KCNJ6: variants seen among roughly 807,000 people sequenced by gnomAD.
The protein encoded by KCNJ6 is potassium inwardly rectifying channel subfamily J member 6.
KCNJ6 carries 9 observed loss-of-function variants against 34.2 expected under a neutral mutation model. The observed-to-expected ratio is 0.26, with a 90% CI of 0.16 to 0.46. The LOEUF (loss-of-function observed/expected upper bound fraction) is 0.46. Among genes scored for constraint, KCNJ6 ranks in the 20% least tolerant of loss-of-function variants. KCNJ6 has a pLI of 1.00. For synonymous variants in KCNJ6, 196 were observed against 207.1 expected, an observed-to-expected ratio of 0.95 and a Z score of 0.46; for missense variants, 236 against 531.3, an observed-to-expected ratio of 0.44 and a Z score of 5.46.
intron 3 of KCNJ6, among the ~76,000 whole-genome samples, chr21:37,640,195 A>G (rs1046693976): frequency 2.6e-5 from 4 of 152,238 alleles, no homozygotes; most frequent in African/African-American, 9.6e-5. Flanking sequence ...GTAATTTGAA[A>G]TCACTTAATG....
intron 1 of KCNJ6, among the ~76,000 whole-genome samples, chr21:37,913,131 G>C (rs940408241): frequency 1.1e-4 from 17 of 152,170 alleles, no homozygotes; most frequent in Non-Finnish European, 1.8e-4. Flanking sequence ...CTTCATATCA[G>C]TGACAGTTGT....
chr21:37,889,798 C>T (rs1316101813), intron 1 of KCNJ6, among the ~76,000 whole-genome samples: 4 of 152,202 alleles, frequency 2.6e-5, no homozygotes, highest in Non-Finnish European at 5.9e-5. Flanking sequence ...CATGGCCATC[C>T]CATTGTCTCC....
chr21:37,732,578 C>T lies in KCNJ6; in HGVS notation c.26-17447G>A, dbSNP rs143430556. ...ATGACTGATGGGCAGGACGTTTCCTCGTCAATTTTCTGGGGCAAGACCGAT... is the reference window on the plus strand; with the variant it reads ...ATGACTGATGGGCAGGACGTTTCCTTGTCAATTTTCTGGGGCAAGACCGAT... On this transcript the variant is annotated intron_variant, in intron 2 of 3. Coordinates refer to ENST00000609713, the MANE Select transcript of KCNJ6 (RefSeq NM_002240.5). Among the ~76,000 whole-genome samples, 8 of 152,266 alleles carry T rather than the reference C, an allele frequency of 5.3e-5. No individual in the cohort carries two copies. The East Asian group carries it at 1.4e-3, about 26-fold the overall frequency.
At chr21:37,626,130 C>CTTTTTTT (rs10649366) in intron 3 of KCNJ6, among the ~76,000 whole-genome samples, 13 of 143,040 alleles carry the variant, frequency 9.1e-5, no homozygotes, top group Non-Finnish European at 1.1e-4. Flanking sequence ...TTTCCCCCTT[C>CTTTTTTT]TTTTTTTTTT....
intron 2 of KCNJ6, among the ~76,000 whole-genome samples, chr21:37,797,321 G>T (rs1374196985): frequency 6.6e-6 from 1 of 152,222 alleles, no homozygotes; most frequent in African/African-American, 2.4e-5. Flanking sequence ...AAAGCACTGG[G>T]ATTACAAGGC....
At chr21:37,717,935 C>T (rs1420531801) in intron 2 of KCNJ6, among the ~76,000 whole-genome samples, 1 of 152,222 alleles carries the variant, frequency 6.6e-6, no homozygotes, top group African/African-American at 2.4e-5. Context: ...ACTGCAAACC[C>T]CCAGCTCCAG....
Position 37,617,099 on chromosome 21 carries a change from T to TCTAC in KCNJ6, c.*8059_*8060insGTAG. The stretch of plus-strand genomic sequence containing the variant: ...TTTCTTTCTTTTTCTTTCTTTCTTT[T>TCTAC]CTTTCTTTCTTTCCTTCTTCCTTCC... On this transcript the variant is annotated 3_prime_UTR_variant, in exon 4 of 4. Coordinates refer to ENST00000609713, the MANE Select transcript of KCNJ6 (RefSeq NM_002240.5). 1 of 9,550 alleles carries TCTAC rather than the reference T, an allele frequency of 1.0e-4. No homozygotes were observed. 0.6% of individuals were successfully genotyped at this position (9,550 alleles called of 1,614,324 possible).
intron 2 of KCNJ6, among the ~76,000 whole-genome samples, chr21:37,772,872 C>T (rs1366701159): frequency 1.3e-5 from 2 of 152,190 alleles, no homozygotes; most frequent in Middle Eastern, 3.4e-3. Context: ...ATTAAATGTA[C>T]TATATATATG....
At chr21:37,788,338 C>T (rs1330143432) in intron 2 of KCNJ6, among the ~76,000 whole-genome samples, 1 of 151,996 alleles carries the variant, frequency 6.6e-6, no homozygotes, top group Non-Finnish European at 1.5e-5. Context: ...TATGATGTTC[C>T]CTCTAATTTT....
chr21:37,848,364 A>C (rs2055520671), intron 1 of KCNJ6, among the ~76,000 whole-genome samples: 1 of 152,240 alleles, frequency 6.6e-6, no homozygotes, highest in African/African-American at 2.4e-5. Flanking sequence ...TTTCTAAAAT[A>C]ATCTGAAATT....
Position 37,622,888 on chromosome 21 carries a change from C to G in KCNJ6, c.*2271G>C, listed in dbSNP as rs1289069772. The G allele has an allele frequency of 6.6e-6, 1 of 152,202 alleles. No homozygotes were observed. The highest frequency in any genetic ancestry group is 1.5e-5 in the Non-Finnish European group (1 of 68,056). 9.4% of individuals were successfully genotyped at this position (152,202 alleles called of 1,614,324 possible). A position where few individuals can be genotyped will look rare whatever the true frequency, so the allele number is the denominator to read the frequency against. On this transcript the variant is annotated 3_prime_UTR_variant, in exon 4 of 4. Coordinates refer to ENST00000609713, the MANE Select transcript of KCNJ6 (RefSeq NM_002240.5). ...AGACATTTTGCCGCCCCTATTCCAT[C>G]TTGTTTTGTGCCTGCCATGGCCTGC...
intron 2 of KCNJ6, among the ~76,000 whole-genome samples, chr21:37,723,963 A>T (rs575715467): frequency 6.6e-6 from 1 of 152,160 alleles, no homozygotes; most frequent in African/African-American, 2.4e-5. Flanking sequence ...CAAGAACAGC[A>T]TGTGTAAAAG....
intron 1 of KCNJ6, among the ~76,000 whole-genome samples, chr21:37,899,907 TTCC>T (rs1404042633): frequency 2.6e-5 from 4 of 152,222 alleles, no homozygotes. Context: ...CTGATGTTAA[TTCC>T]TCCTTTACAA....
At chr21:37,773,737 G>A (rs1443663759) in intron 2 of KCNJ6, among the ~76,000 whole-genome samples, 2 of 152,266 alleles carry the variant, frequency 1.3e-5, no homozygotes, top group African/African-American at 4.8e-5. Flanking sequence ...AGGGCTGACA[G>A]TACTAAGAAA....
At chr21:37,833,595 G>A (rs1355631705) in intron 2 of KCNJ6, among the ~76,000 whole-genome samples, 3 of 152,112 alleles carry the variant, frequency 2.0e-5, no homozygotes, top group Non-Finnish European at 2.9e-5. Context: ...GACTGTGGGG[G>A]TCCCAGGGTG....
intron 2 of KCNJ6, among the ~76,000 whole-genome samples, chr21:37,822,371 T>C (rs1399423148): frequency 6.6e-6 from 1 of 151,904 alleles, no homozygotes; most frequent in East Asian, 1.9e-4. Flanking sequence ...GCCAGGGCTG[T>C]GCCCAAGTGC....
At chr21:37,806,087 G>A (rs556645244) in intron 2 of KCNJ6, among the ~76,000 whole-genome samples, 1 of 152,310 alleles carries the variant, frequency 6.6e-6, no homozygotes, top group South Asian at 2.1e-4. Context: ...TTTGTTGAGT[G>A]AATTACTCTT....
chr21:37,914,010 T>TGG (rs2055880679), intron 1 of KCNJ6, among the ~76,000 whole-genome samples: 1 of 106,574 alleles, frequency 9.4e-6, no homozygotes, highest in Non-Finnish European at 1.8e-5. Flanking sequence ...CGGATCGGGG[T>TGG]GTGTGTGTGT....
At chr21:37,715,889 T>G (rs73907311) in intron 2 of KCNJ6, among the ~76,000 whole-genome samples, 1,675 of 152,312 alleles carry the variant, frequency 0.011, 26 homozygotes, top group African/African-American at 0.037. Context: ...AAATGTCCAT[T>G]GTTTAAGCCA....
Sources: gnomAD v4.1 joint callset for allele counts (sites outside exome capture counted in the v4.1 genomes callset) on GRCh38, gnomAD v4.1.1 for gene constraint, MANE v1.5 for transcripts, NCBI Gene and HGNC (gene_info 2026-07-23, HGNC 2026-07-21) for gene names.